The following ATP11A variants were observed in gnomAD, a reference collection of about 807,000 sequenced individuals.
ATP11A encodes phospholipid-transporting ATPase IH.
Under a neutral mutation model 154.4 loss-of-function variants are expected in ATP11A, and 81 were observed. That is an observed-to-expected ratio of 0.52 (90% CI 0.44 to 0.63). The LOEUF is 0.63. Ranked by LOEUF, ATP11A falls within the 30% of genes least tolerant of loss-of-function variation. The pLI, the probability that ATP11A is intolerant of heterozygous loss-of-function variation, is 0.00. For missense variants in ATP11A, 1,316 were observed against 1,474.3 expected (o/e 0.89, Z 1.76); for synonymous variants, 623 against 585.9 (o/e 1.06, Z -0.91).
At chr13:112,843,276 G>A (rs78746299) in intron 17 of ATP11A, among the ~76,000 whole-genome samples, 1,866 of 151,446 alleles carry the variant, frequency 0.012, 29 homozygotes, top group African/African-American at 0.043. Context: ...GCTGGGTGAC[G>A]CATGGCCGGG....
rs1281876910 is a variant in ATP11A at position 112,819,289 on chromosome 13, C to G, written c.571-15C>G. Reference sequence around the variant, plus strand: ...CCGTTTTGGCGGTGAGCTCACATGTCTTGTGCATTTGTAGACGCATTACGC... The same window carrying G: ...CCGTTTTGGCGGTGAGCTCACATGTGTTGTGCATTTGTAGACGCATTACGC... On this transcript the variant is annotated splice_polypyrimidine_tract_variant and intron_variant, in intron 6 of 29. Transcript: ENST00000375645. The G allele has an allele frequency of 1.9e-6, 3 of 1,612,342 alleles. No homozygotes were observed. The highest frequency in any genetic ancestry group is 2.5e-6 in the Non-Finnish European group (3 of 1,178,748).
chr13:112,857,502 A>G (rs887060155), intron 20 of ATP11A, among the ~76,000 whole-genome samples: 10 of 152,364 alleles, frequency 6.6e-5, no homozygotes, highest in South Asian at 2.1e-4. Context: ...ATTTAAGTAG[A>G]GGAATATAAC....
Position 112,846,902 on chromosome 13 carries a change from C to CTG in ATP11A, c.1810-4134_1810-4133dup, listed in dbSNP as rs556853595. Among the ~76,000 whole-genome samples, 1,017 of 152,338 alleles carry CTG rather than the reference C, an allele frequency of 6.7e-3. 19 individuals carry two copies. Among genetic ancestry groups the CTG allele is most frequent in the African/African-American group, 0.023 (958 of 41,574 alleles). The stretch of plus-strand genomic sequence containing the variant: ...GACTGCCAGGCCCTGAGCGCTGTGC[C>CTG]TGGTGAGTGGCCATGCCTCCTGGCA... On this transcript the variant is annotated intron_variant, in intron 17 of 29. Coordinates refer to ENST00000375645, the MANE Select transcript of ATP11A (RefSeq NM_015205.3).
In ATP11A at chr13:112,875,961, G is replaced by A. The variant is rs191163264; in HGVS notation, c.3327+20G>A. The A allele has an allele frequency of 2.4e-5, 38 of 1,596,938 alleles. No individual in the cohort carries two copies. The highest frequency in any genetic ancestry group is 4.0e-5 in the African/African-American group (3 of 74,854). Reference sequence around the variant, plus strand: ...GTCCAGGTACGGAGTGTCCCCAGCCGGGGCGGGGGTGCCTCAGGGCCCTGG... The same window carrying A: ...GTCCAGGTACGGAGTGTCCCCAGCCAGGGCGGGGGTGCCTCAGGGCCCTGG... On this transcript the variant is annotated intron_variant, in intron 28 of 29. Transcript: ENST00000375645. The surrounding 1 kb of genome is among the most constrained non-coding windows in gnomAD (Gnocchi z 4.1).
At chr13:112,799,484 C>G (rs1165496794) in intron 2 of ATP11A, among the ~76,000 whole-genome samples, 1 of 151,646 alleles carries the variant, frequency 6.6e-6, no homozygotes, top group Non-Finnish European at 1.5e-5. Flanking sequence ...GTGGTTATCC[C>G]TTGTGGGCAG....
At chr13:112,719,610 G>C (rs1888919735) in intron 1 of ATP11A, among the ~76,000 whole-genome samples, 1 of 151,910 alleles carries the variant, frequency 6.6e-6, no homozygotes. Flanking sequence ...TTGTAAGGTG[G>C]AAGCAAGGAA....
intron 6 of ATP11A, among the ~76,000 whole-genome samples, chr13:112,818,616 C>T (rs1157721801): frequency 6.6e-6 from 1 of 152,198 alleles, no homozygotes; most frequent in Non-Finnish European, 1.5e-5. Context: ...GGCCTTCAGC[C>T]GACCTGCTGG....
Position 112,693,758 on chromosome 13 carries a change from C to G in ATP11A, c.39+3303C>G, listed in dbSNP as rs1237241852. Among the ~76,000 whole-genome samples, 10 of 152,070 alleles carry G rather than the reference C, an allele frequency of 6.6e-5. No homozygotes were observed. In the East Asian group the frequency reaches 1.9e-3, roughly 29 times the overall value. ...CCTGACATCAGGAGTTCAAGACCAACCTGGCCAACATGGTGAAACCCTGTC... is the reference window on the plus strand; with the variant it reads ...CCTGACATCAGGAGTTCAAGACCAAGCTGGCCAACATGGTGAAACCCTGTC... On this transcript the variant is annotated intron_variant, in intron 1 of 29. Transcript: ENST00000375645.
chr13:112,711,372 T>C (rs1330501015), intron 1 of ATP11A, among the ~76,000 whole-genome samples: 1 of 151,920 alleles, frequency 6.6e-6, no homozygotes, highest in Non-Finnish European at 1.5e-5. Flanking sequence ...GAGGCCGAGG[T>C]GGGAGGATCA....
intron 1 of ATP11A, among the ~76,000 whole-genome samples, chr13:112,729,507 G>A (rs1890263703): frequency 6.6e-6 from 1 of 152,062 alleles, no homozygotes; most frequent in African/African-American, 2.4e-5. Context: ...AGTGTCGGAA[G>A]GCACTGAGGC....
At chr13:112,880,673 C>T (rs758789704) in intron 29 of ATP11A, 34 of 1,276,352 alleles carry the variant, frequency 2.7e-5, no homozygotes, top group African/African-American at 6.1e-5. Context: ...TGCTGGACGC[C>T]GCCCGTGTGC....
chr13:112,779,914 A>AG (rs1372329556), intron 1 of ATP11A, among the ~76,000 whole-genome samples: 1 of 146,524 alleles, frequency 6.8e-6, no homozygotes. Flanking sequence ...CATTAAAAAG[A>AG]AAAAAAAAAA....
rs997783121 is a variant in ATP11A at position 112,769,360 on chromosome 13, G to A, written c.40-15775G>A. ...GCCTTGGCCCTGAGGCTCCCAGCAT[G>A]GTTGTCCCGGCCAGTGGCTTGTGAC... On this transcript the variant is annotated intron_variant, in intron 1 of 29. Transcript: ENST00000375645. Among the ~76,000 whole-genome samples, 9 of 152,300 alleles carry A rather than the reference G, an allele frequency of 5.9e-5. No individual in the cohort carries two copies. The South Asian group carries it at 1.5e-3, about 25-fold the overall frequency.
At chr13:112,784,735 G>A (rs2140025951) in intron 1 of ATP11A, among the ~76,000 whole-genome samples, 1 of 152,278 alleles carries the variant, frequency 6.6e-6, no homozygotes, top group African/African-American at 2.4e-5. Context: ...GTGTTAGCCA[G>A]GATGGTCTCC....
chr13:112,831,594 G>T (rs770466483), intron 13 of ATP11A, 46 bp downstream of exon 13: 1 of 1,593,670 alleles, frequency 6.3e-7, no homozygotes, highest in Non-Finnish European at 8.6e-7. Flanking sequence ...GTGAGTGGGC[G>T]GCTGTGCATG....
At chr13:112,778,127 A>G (rs1265624997) in intron 1 of ATP11A, among the ~76,000 whole-genome samples, 1 of 148,380 alleles carries the variant, frequency 6.7e-6, no homozygotes, top group Non-Finnish European at 1.5e-5. Flanking sequence ...ACATCATACC[A>G]CACATACCTT....
At position 112,785,500 on chromosome 13, in the gene ATP11A, G is replaced by A. The variant is rs1259492334; in HGVS notation, c.162+243G>A. On this transcript the variant is annotated intron_variant, in intron 2 of 29. Coordinates refer to ENST00000375645, the MANE Select transcript of ATP11A (RefSeq NM_015205.3). The surrounding 1 kb of genome is among the most constrained non-coding windows in gnomAD (Gnocchi z 4.8). ...CACAGCGCAGTGTCTCCATTCTCGG[G>A]TGACCGTGCCACAGAGGCAGTGCAG... Among the ~76,000 whole-genome samples, 1 of 152,026 alleles carries A rather than the reference G, an allele frequency of 6.6e-6. No individual in the cohort carries two copies. The highest frequency in any genetic ancestry group is 1.5e-5 in the Non-Finnish European group (1 of 68,014).
intron 1 of ATP11A, among the ~76,000 whole-genome samples, chr13:112,736,041 G>GT (rs1371757765): frequency 1.3e-5 from 2 of 152,156 alleles, no homozygotes; most frequent in African/African-American, 2.4e-5. Context: ...CCGTGCCTTT[G>GT]TGTTCGCGTG....
intron 1 of ATP11A, among the ~76,000 whole-genome samples, chr13:112,747,639 C>T (rs1262912783): frequency 2.0e-5 from 3 of 152,148 alleles, no homozygotes; most frequent in Admixed American, 6.5e-5. Context: ...AGTTCGAGAC[C>T]GGCCTGGCCA....
Sources: allele counts gnomAD v4.1 joint callset (sites outside exome capture counted in the v4.1 genomes callset), GRCh38; gene constraint gnomAD v4.1.1; non-coding constraint Gnocchi (gnomAD v3.1); transcripts MANE v1.5; gene names NCBI Gene and HGNC (gene_info 2026-07-23, HGNC 2026-07-21).